The following SLC32A1 variants were observed in gnomAD, a reference collection of about 807,000 sequenced individuals.
SLC32A1 encodes solute carrier family 32 member 1.
In SLC32A1, 8 loss-of-function variants were observed where a neutral mutation model predicts 35.5. That is an observed-to-expected ratio of 0.23 (90% CI 0.13 to 0.41). SLC32A1 has a LOEUF of 0.41. SLC32A1 is among the 10% of genes least tolerant of loss of function. The probability of loss-of-function intolerance (pLI) is 1.00; values close to 1 mark genes in which losing one functional copy is unlikely to be tolerated. For synonymous variants in SLC32A1, 317 were observed against 326.3 expected (o/e 0.97, Z 0.31); for missense variants, 493 against 722.3 (o/e 0.68, Z 3.64).
rs981344339 is a variant in SLC32A1, at chr20:38,729,183, G to C, written c.*544G>C. 6.5e-6 allele frequency: 1 copy of C among 154,430 alleles called. No individual in the cohort carries two copies. The highest frequency in any genetic ancestry group is 2.4e-5 in the African/African-American group (1 of 41,584). The allele number at this position is 154,430 out of a possible 1,614,324, so 9.6% of individuals were successfully genotyped here. Reference sequence around the variant, plus strand: ...GCCGGAAGGCGAGAAGCCGCGGCGGGGCCAGCTTGCCTGCCGGTTTTCAGG... The same window carrying C: ...GCCGGAAGGCGAGAAGCCGCGGCGGCGCCAGCTTGCCTGCCGGTTTTCAGG... On this transcript the variant is annotated 3_prime_UTR_variant, in exon 2 of 2. Transcript: ENST00000217420.
Position 38,724,982 on chromosome 20 carries a change from G to A in SLC32A1, c.258G>A (p.Gln86=), listed in dbSNP as rs1048551641. The part of the protein sequence containing the change: ...EAPVEGDIHY[Q]RGSGAPLPPS... ...CCGTCGAGGGAGACATCCATTATCA[G>A]CGAGGCAGCGGAGCTCCTCTGCCGC... Residue 86 remains glutamine, a synonymous_variant, in exon 1 of 2, where the codon CAG becomes CAA. Transcript: ENST00000217420. 17 of 1,594,196 alleles carry A rather than the reference G, an allele frequency of 1.1e-5. No individual in the cohort carries two copies. The highest frequency in any genetic ancestry group is 1.5e-5 in the Non-Finnish European group (17 of 1,169,490).
At chr20:38,725,352 C>G (rs2084271261) in intron 1 of SLC32A1, among the ~76,000 whole-genome samples, 1 of 152,178 alleles carries the variant, frequency 6.6e-6, no homozygotes, top group South Asian at 2.1e-4. Context: ...GGCTGAAGTT[C>G]GGTCTGAGAC....
rs770948234 is a variant in SLC32A1, at chr20:38,727,914, T to G, written c.853T>G (p.Cys285Gly). ...FVINILVIAY[C>G]LSRARDWAWE... ...CATCAATATCCTGGTCATAGCCTAC[T>G]GTCTATCGCGGGCGCGCGACTGGGC... Residue 285 changes from cysteine (C) to glycine (G), a missense_variant, in exon 2 of 2, where the codon TGT (cysteine) becomes GGT (glycine). Physicochemically the swap from Cys to Gly is radical, Grantham distance 159. Around this residue, in one of 4 missense-constraint regions of SLC32A1, gnomAD observed 269 missense variants for 445.6 expected, o/e 0.60. Coordinates refer to ENST00000217420, the MANE Select transcript of SLC32A1 (RefSeq NM_080552.3). The G allele has an allele frequency of 6.2e-6, 10 of 1,614,142 alleles. No individual in the cohort carries two copies. Among genetic ancestry groups the G allele is most frequent in the Non-Finnish European group, 2.5e-6 (3 of 1,180,052 alleles).
In SLC32A1 at chr20:38,728,701, C is replaced by T. The variant is rs2084288195; in HGVS notation, c.*62C>T. ...TCTCCCTTCTCCCCTCACCCCGCCC[C>T]CACCAGCCCAGTGCGCCCTGCCGCC... is the stretch of plus-strand genomic sequence containing the variant. On this transcript the variant is annotated 3_prime_UTR_variant, in exon 2 of 2. Coordinates refer to ENST00000217420, the MANE Select transcript of SLC32A1 (RefSeq NM_080552.3). 2 of 1,460,584 alleles carry T rather than the reference C, an allele frequency of 1.4e-6. No individual in the cohort carries two copies. The highest frequency in any genetic ancestry group is 1.4e-5 in the African/African-American group (1 of 70,708). The allele number at this position is 1,460,584 out of a possible 1,614,324, so 90.5% of individuals were successfully genotyped here.
Position 38,728,752 on chromosome 20 carries a change from A to G in SLC32A1, c.*113A>G, listed in dbSNP as rs1021437325. On this transcript the variant is annotated 3_prime_UTR_variant, in exon 2 of 2. Coordinates refer to ENST00000217420, the MANE Select transcript of SLC32A1 (RefSeq NM_080552.3). ...GCGCTTGGGAGGCCAAGCTTTAAACATCTCTGGTTCCTAGTTTCTGATTAT... is the reference window on the plus strand; with the variant it reads ...GCGCTTGGGAGGCCAAGCTTTAAACGTCTCTGGTTCCTAGTTTCTGATTAT... 2.9e-6 allele frequency: 2 copies of G among 679,374 alleles called. No homozygotes were observed. Among genetic ancestry groups the G allele is most frequent in the Non-Finnish European group, 2.3e-6 (1 of 442,646 alleles). The allele number at this position is 679,374 out of a possible 1,614,324, so 42.1% of individuals were successfully genotyped here.
chr20:38,727,360 T>A, intron 1 of SLC32A1, 92 bp from the exon 2 acceptor site: 2 of 1,248,012 alleles, frequency 1.6e-6, no homozygotes, highest in Non-Finnish European at 2.3e-6. Flanking sequence ...AGCGCCCCCT[T>A]CGGGCCACAG....
intron 1 of SLC32A1, among the ~76,000 whole-genome samples, chr20:38,727,044 T>G (rs1205562798): frequency 6.6e-6 from 1 of 152,060 alleles, no homozygotes; most frequent in African/African-American, 2.4e-5. Context: ...CCTTTCCGAC[T>G]ACGCTCCCTT....
chr20:38,724,815 A>T lies in SLC32A1; in HGVS notation c.91A>T (p.Met31Leu). Residue 31 changes from methionine (M) to leucine (L), a missense_variant, in exon 1 of 2, where the codon ATG becomes TTG. Coordinates refer to ENST00000217420, the MANE Select transcript of SLC32A1 (RefSeq NM_080552.3). Reference sequence around the variant, plus strand: ...CAAGATGAGCGGCATGTTCGCCAGGATGGGTTTTCAGGCGGCCACGGATGA... The same window carrying T: ...CAAGATGAGCGGCATGTTCGCCAGGTTGGGTTTTCAGGCGGCCACGGATGA... Reference protein sequence around the residue: ...QAKMSGMFARMGFQAATDEEA... With the variant: ...QAKMSGMFARLGFQAATDEEA... 6.2e-7 allele frequency: 1 copy of T among 1,613,948 alleles called. No individual in the cohort carries two copies. Among genetic ancestry groups the T allele is most frequent in the Non-Finnish European group, 8.5e-7 (1 of 1,179,994 alleles).
Position 38,727,639 on chromosome 20 carries a change from G to T in SLC32A1, c.578G>T (p.Cys193Phe), listed in dbSNP as rs140808070. Residue 193 changes from cysteine (C) to phenylalanine (F), a missense_variant, in exon 2 of 2, where the codon TGC (cysteine) becomes TTC (phenylalanine). By Grantham distance (205) the Cys-to-Phe change is radical (BLOSUM62 -2). Coordinates refer to ENST00000217420, the MANE Select transcript of SLC32A1 (RefSeq NM_080552.3). The part of the protein sequence containing the change: ...RDSYVAIANA[C>F]CAPRFPTLGG... ...TCGTACGTGGCCATAGCCAACGCCT[G>T]CTGCGCCCCGCGCTTCCCAACGCTG... 59 of 1,613,884 alleles carry T rather than the reference G, an allele frequency of 3.7e-5. No individual in the cohort carries two copies. Among genetic ancestry groups the T allele is most frequent in the Non-Finnish European group, 2.1e-5 (25 of 1,180,056 alleles).
chr20:38,725,187 G>C, intron 1 of SLC32A1, 73 bp downstream of exon 1: 1 of 1,476,826 alleles, frequency 6.8e-7, no homozygotes, highest in Non-Finnish European at 9.0e-7. Context: ...GCCCCCGACA[G>C]TCGCCCGGTG....
chr20:38,728,482 G>A lies in SLC32A1; in HGVS notation c.1421G>A (p.Ser474Asn). ...TGAGLCFLLP[S>N]LFHLRLLWRK... Reference sequence around the variant, plus strand: ...GCCGGCCTCTGTTTCTTGCTGCCCAGCCTCTTTCACCTGCGCCTGCTCTGG... The same window carrying A: ...GCCGGCCTCTGTTTCTTGCTGCCCAACCTCTTTCACCTGCGCCTGCTCTGG... The change falls in exon 2 of 2, where the codon AGC (serine) becomes AAC (asparagine). Residue 474 changes from serine (S) to asparagine (N), a missense_variant. Physicochemically the swap from Ser to Asn is conservative, Grantham distance 46. This residue lies in a region of SLC32A1 where 269 missense variants were observed against 445.6 expected (regional missense o/e 0.60). Coordinates refer to ENST00000217420, the MANE Select transcript of SLC32A1 (RefSeq NM_080552.3). 6.2e-7 allele frequency: 1 copy of A among 1,613,340 alleles called. No individual in the cohort carries two copies. The highest frequency in any genetic ancestry group is 1.1e-5 in the South Asian group (1 of 91,088).
rs1871149250 is a variant in SLC32A1 at position 38,724,664 on chromosome 20, T to C, written c.-61T>C. ...TTTGCGCCCCCCAGCCCTCGCCTTC[T>C]TGCATCGCGTTCCCCGCATCCTCGG... On this transcript the variant is annotated 5_prime_UTR_variant, in exon 1 of 2. Transcript: ENST00000217420. 1.1e-5 allele frequency: 17 copies of C among 1,530,280 alleles called. No individual in the cohort carries two copies. The highest frequency in any genetic ancestry group is 2.5e-4 in the Middle Eastern group (1 of 4,076). The allele number at this position is 1,530,280 out of a possible 1,614,324, so 94.8% of individuals were successfully genotyped here.
Position 38,728,760 on chromosome 20 carries a change from T to C in SLC32A1, c.*121T>C, listed in dbSNP as rs1387503768. ...GAGGCCAAGCTTTAAACATCTCTGG[T>C]TCCTAGTTTCTGATTATTCGGGGAT... On this transcript the variant is annotated 3_prime_UTR_variant, in exon 2 of 2. Transcript: ENST00000217420. The C allele has an allele frequency of 1.4e-6, 1 of 737,584 alleles. No homozygotes were observed. The highest frequency in any genetic ancestry group is 2.1e-6 in the Non-Finnish European group (1 of 465,508). The allele number at this position is 737,584 out of a possible 1,614,324, so 45.7% of individuals were successfully genotyped here.
Position 38,728,825 on chromosome 20 carries a change from G to A in SLC32A1, c.*186G>A, listed in dbSNP as rs1417718177. On this transcript the variant is annotated 3_prime_UTR_variant, in exon 2 of 2. Transcript: ENST00000217420. The stretch of plus-strand genomic sequence containing the variant: ...GGGACAGGGATTCACGATCCATCGC[G>A]TCTGCGTTTCTGTTGTCCTTTCTTT... 1.7e-6 allele frequency: 1 copy of A among 604,982 alleles called. No homozygotes were observed. The highest frequency in any genetic ancestry group is 2.8e-6 in the Non-Finnish European group (1 of 352,962). 37.5% of individuals were successfully genotyped at this position (604,982 alleles called of 1,614,324 possible).
In SLC32A1 at chr20:38,727,490, C is replaced by A; in HGVS notation, c.429C>A (p.His143Gln). The change falls in exon 2 of 2, where the codon CAC becomes CAA. Residue 143 changes from histidine (H) to glutamine (Q), a missense_variant. His to Gln is a conservative substitution (Grantham distance 24). Transcript: ENST00000217420. ...TGGGCCTACCCTACGCCATCCTGCA[C>A]GGCGGCTACCTGGGGTTGTTTCTCA... ...FVLGLPYAIL[H>Q]GGYLGLFLII... 3.1e-6 allele frequency: 5 copies of A among 1,609,110 alleles called. No homozygotes were observed. Among genetic ancestry groups the A allele is most frequent in the Non-Finnish European group, 3.4e-6 (4 of 1,180,022 alleles).
rs1214225622 is a variant in SLC32A1 at position 38,724,697 on chromosome 20, T to G, written c.-28T>G. On this transcript the variant is annotated 5_prime_UTR_variant, in exon 1 of 2. Transcript: ENST00000217420. ...CGTTCCCCGCATCCTCGGGTCCTTC[T>G]GTCCTTTCCGCTGTCCCCACCGCCG... 1.3e-6 allele frequency: 2 copies of G among 1,572,392 alleles called. No individual in the cohort carries two copies. Among genetic ancestry groups the G allele is most frequent in the African/African-American group, 2.7e-5 (2 of 74,000 alleles).
Position 38,727,633 on chromosome 20 carries a change from A to G in SLC32A1, c.572A>G (p.Asn191Ser). ...CGGGACTCGTACGTGGCCATAGCCAACGCCTGCTGCGCCCCGCGCTTCCCA... is the reference window on the plus strand; with the variant it reads ...CGGGACTCGTACGTGGCCATAGCCAGCGCCTGCTGCGCCCCGCGCTTCCCA... The part of the protein sequence containing the change: ...RVRDSYVAIA[N>S]ACCAPRFPTL... Residue 191 changes from asparagine to serine, a missense_variant, in exon 2 of 2, where the codon AAC becomes AGC. Asn to Ser is a conservative substitution (Grantham distance 46, BLOSUM62 1). This residue lies in a region of SLC32A1 where 46 missense variants were observed against 39.7 expected (regional missense o/e 1.16). Coordinates refer to ENST00000217420, the MANE Select transcript of SLC32A1 (RefSeq NM_080552.3). 6.2e-7 allele frequency: 1 copy of G among 1,613,972 alleles called. No homozygotes were observed. Among genetic ancestry groups the G allele is most frequent in the Non-Finnish European group, 8.5e-7 (1 of 1,180,036 alleles).
At position 38,728,275 on chromosome 20, in the gene SLC32A1, T is replaced by G. The variant is rs774612352; in HGVS notation, c.1214T>G (p.Leu405Arg). The change falls in exon 2 of 2, where the codon CTG becomes CGG. Residue 405 changes from leucine (L) to arginine (R), a missense_variant. By Grantham distance (102) the Leu-to-Arg change is moderately radical. Transcript: ENST00000217420. ...PLPFFAAVEV[L>R]EKSLFQEGSR... The stretch of plus-strand genomic sequence containing the variant: ...CCATTCTTTGCCGCTGTCGAGGTGC[T>G]GGAGAAGTCGCTCTTCCAGGAAGGC... The G allele has an allele frequency of 6.2e-7, 1 of 1,613,792 alleles. No individual in the cohort carries two copies.
intron 1 of SLC32A1, among the ~76,000 whole-genome samples, chr20:38,725,890 C>T (rs1314819432): frequency 6.6e-6 from 1 of 152,200 alleles, no homozygotes; most frequent in Non-Finnish European, 1.5e-5. Flanking sequence ...ACATTTAGTC[C>T]GCAATAATCC....
Sources: gnomAD v4.1 joint callset for allele counts (sites outside exome capture counted in the v4.1 genomes callset) on GRCh38, gnomAD v4.1.1 for gene constraint, gnomAD v4.1.1 regional missense constraint, MANE v1.5 for transcripts, NCBI Gene and HGNC (gene_info 2026-07-23, HGNC 2026-07-21) for gene names.